ENPEP: variants seen among roughly 807,000 people sequenced by gnomAD.
ENPEP encodes glutamyl aminopeptidase.
ENPEP carries 103 observed loss-of-function variants against 114.5 expected under a neutral mutation model. That is an observed-to-expected ratio of 0.90 (90% CI 0.77 to 1.06). ENPEP has a LOEUF of 1.06. Among genes scored for constraint, ENPEP ranks in the 50% least tolerant of loss-of-function variants. The pLI, the probability that ENPEP is intolerant of heterozygous loss-of-function variation, is 0.00. For missense variants in ENPEP, 1,196 were observed against 1,161.3 expected, an observed-to-expected ratio of 1.03 and a Z score of -0.43; for synonymous variants, 420 against 422.0, an observed-to-expected ratio of 1.00 and a Z score of 0.06.
Position 110,513,436 on chromosome 4 carries a change from G to C in ENPEP, c.1330G>C (p.Asp444His). Reference sequence around the variant, plus strand: ...TCAGCGTGACCAAATGTTACTTGAAGATGTATTACCTGTTCAAGAGGATGA... The same window carrying C: ...TCAGCGTGACCAAATGTTACTTGAACATGTATTACCTGTTCAAGAGGATGA... ...WQMRDQMLLE[D>H]VLPVQEDDSL... Residue 444 changes from aspartate (D) to histidine (H), a missense_variant, in exon 7 of 20, where the codon GAT becomes CAT. Physicochemically the swap from Asp to His is moderately conservative, Grantham distance 81. Transcript: ENST00000265162. 6.2e-7 allele frequency: 1 copy of C among 1,610,934 alleles called. No individual in the cohort carries two copies. Among genetic ancestry groups the C allele is most frequent in the Non-Finnish European group, 8.5e-7 (1 of 1,178,532 alleles).
chr4:110,554,194 T>C (rs947413001), intron 18 of ENPEP, among the ~76,000 whole-genome samples: 2 of 152,008 alleles, frequency 1.3e-5, no homozygotes, highest in African/African-American at 4.8e-5. Context: ...GAAAAGACCT[T>C]TACCATCTGT....
intron 1 of ENPEP, among the ~76,000 whole-genome samples, chr4:110,481,014 A>T (rs1188002590): frequency 1.3e-5 from 2 of 152,170 alleles, no homozygotes; most frequent in African/African-American, 4.8e-5. Context: ...CCTCTACTCA[A>T]ACTCCAAAGT....
At chr4:110,544,990 C>T (rs1726999967) in intron 13 of ENPEP, among the ~76,000 whole-genome samples, 2 of 152,058 alleles carry the variant, frequency 1.3e-5, no homozygotes, top group Admixed American at 1.3e-4. Context: ...CAATGAGGTT[C>T]TGCAGCACAT....
chr4:110,544,639 T>C (rs1211306754), intron 13 of ENPEP, among the ~76,000 whole-genome samples: 1 of 152,156 alleles, frequency 6.6e-6, no homozygotes, highest in African/African-American at 2.4e-5. Flanking sequence ...TTAGTTTTTA[T>C]TTTTAAATTG....
At chr4:110,543,567 T>C (rs1726934456) in intron 13 of ENPEP, among the ~76,000 whole-genome samples, 1 of 152,086 alleles carries the variant, frequency 6.6e-6, no homozygotes, top group African/African-American at 2.4e-5. Flanking sequence ...AATTTGACTC[T>C]TTTTCTCATA....
chr4:110,520,912 T>G (rs1461772242), intron 10 of ENPEP, among the ~76,000 whole-genome samples: 1 of 152,158 alleles, frequency 6.6e-6, no homozygotes, highest in Non-Finnish European at 1.5e-5. Flanking sequence ...TTTCTTTCTC[T>G]GCACACAGCT....
chr4:110,490,338 C>T (rs1335122106), intron 2 of ENPEP, among the ~76,000 whole-genome samples: 4 of 152,294 alleles, frequency 2.6e-5, no homozygotes, highest in East Asian at 3.9e-4. Context: ...CAGCCTCCCT[C>T]GCTTAATCTC....
In ENPEP at chr4:110,476,495, G is replaced by A. The variant is rs150822200; in HGVS notation, c.81G>A (p.Val27=). Residue 27 remains valine (V), a synonymous_variant, in exon 1 of 20, where the codon GTG becomes GTA. Transcript: ENST00000265162. The part of the protein sequence containing the change: ...KHVAILCAVV[V]GVGLIVGLAV... ...TGGCCATTCTCTGTGCGGTGGTGGT[G>A]GGTGTAGGATTAATAGTGGGACTTG... 2 of 1,583,566 alleles carry A rather than the reference G, an allele frequency of 1.3e-6. No individual in the cohort carries two copies. Among genetic ancestry groups the A allele is most frequent in the African/African-American group, 2.7e-5 (2 of 74,432 alleles).
intron 11 of ENPEP, chr4:110,533,271 G>A (rs1726473890): frequency 1.6e-5 from 4 of 257,754 alleles, no homozygotes; most frequent in Admixed American, 8.9e-5. Context: ...CATTTCAAGA[G>A]TTCACAATAG....
intron 3 of ENPEP, among the ~76,000 whole-genome samples, chr4:110,501,324 G>A (rs1197387269): frequency 6.6e-6 from 1 of 152,050 alleles, no homozygotes; most frequent in African/African-American, 2.4e-5. Context: ...ATATGTACGG[G>A]TTTGCTATAT....
intron 6 of ENPEP, 189 bp from the exon 7 acceptor site, chr4:110,513,226 A>G (rs1389995879): frequency 6.3e-6 from 3 of 477,968 alleles, no homozygotes; most frequent in East Asian, 4.1e-5. Context: ...AGGAATTAGA[A>G]GTAGAAGAAG....
At chr4:110,550,503 G>A (rs1727246636) in intron 17 of ENPEP, among the ~76,000 whole-genome samples, 1 of 152,004 alleles carries the variant, frequency 6.6e-6, no homozygotes. Flanking sequence ...GAGCAAAACT[G>A]GGCTCTGTGA....
intron 3 of ENPEP, among the ~76,000 whole-genome samples, chr4:110,496,857 G>T (rs1447578145): frequency 6.6e-6 from 1 of 152,180 alleles, no homozygotes; most frequent in African/African-American, 2.4e-5. Flanking sequence ...TGCTAACTTT[G>T]ATCACTTGGT....
intron 5 of ENPEP, 119 bp from the exon 6 acceptor site, chr4:110,510,126 C>A (rs1725519751): frequency 2.5e-6 from 2 of 804,918 alleles, no homozygotes; most frequent in African/African-American, 1.7e-5. Flanking sequence ...AAGTACAATG[C>A]CTGCCACTTC....
At position 110,476,488 on chromosome 4, in the gene ENPEP, T is replaced by G; in HGVS notation, c.74T>G (p.Val25Gly). Residue 25 changes from valine to glycine, a missense_variant, in exon 1 of 20, where the codon GTG becomes GGG. Coordinates refer to ENST00000265162, the MANE Select transcript of ENPEP (RefSeq NM_001977.4). Reference protein sequence around the residue: ...QTKHVAILCAVVVGVGLIVGL... With the variant: ...QTKHVAILCAGVVGVGLIVGL... ...AAACATGTGGCCATTCTCTGTGCGGTGGTGGTGGGTGTAGGATTAATAGTG... is the reference window on the plus strand; with the variant it reads ...AAACATGTGGCCATTCTCTGTGCGGGGGTGGTGGGTGTAGGATTAATAGTG... 1 of 1,578,364 alleles carries G rather than the reference T, an allele frequency of 6.3e-7. No individual in the cohort carries two copies. The highest frequency in any genetic ancestry group is 8.6e-7 in the Non-Finnish European group (1 of 1,158,548).
chr4:110,537,991 CG>C (rs1296602178), intron 11 of ENPEP, among the ~76,000 whole-genome samples: 1 of 152,168 alleles, frequency 6.6e-6, no homozygotes, highest in Non-Finnish European at 1.5e-5. Context: ...TATTAACAGA[CG>C]TGCCGTCACC....
chr4:110,518,662 A>G (rs569722973), intron 8 of ENPEP, among the ~76,000 whole-genome samples: 1 of 152,324 alleles, frequency 6.6e-6, no homozygotes, highest in South Asian at 2.1e-4. Context: ...AACCACACAC[A>G]CTGATCCAGG....
rs2110407120 is a variant in ENPEP, at chr4:110,562,093, T to C, written c.*535T>C. The C allele has an allele frequency of 6.6e-6, 1 of 152,340 alleles. No individual in the cohort carries two copies. The highest frequency in any genetic ancestry group is 2.1e-4 in the South Asian group (1 of 4,832). The allele number at this position is 152,340 out of a possible 1,614,324, so 9.4% of individuals were successfully genotyped here. Reference sequence around the variant, plus strand: ...ACCAAAGTAACCTGGGCTTAAGTTTTACTTGAGGATCATATGAATTAGCCA... The same window carrying C: ...ACCAAAGTAACCTGGGCTTAAGTTTCACTTGAGGATCATATGAATTAGCCA... On this transcript the variant is annotated 3_prime_UTR_variant, in exon 20 of 20. Transcript: ENST00000265162.
At chr4:110,515,863 C>T (rs1183587695) in intron 8 of ENPEP, 3 of 454,914 alleles carry the variant, frequency 6.6e-6, no homozygotes, top group Non-Finnish European at 1.3e-5. Flanking sequence ...AGATGGTAGA[C>T]TTCCCACTGT....
Sources: allele counts gnomAD v4.1 joint callset (sites outside exome capture counted in the v4.1 genomes callset), GRCh38; gene constraint gnomAD v4.1.1; transcripts MANE v1.5; gene names NCBI Gene and HGNC (gene_info 2026-07-23, HGNC 2026-07-21).